The following LIMK2 variants were observed in gnomAD, a reference collection of about 807,000 sequenced individuals.
The protein encoded by LIMK2 is LIM domain kinase 2.
Under a neutral mutation model 75.7 loss-of-function variants are expected in LIMK2, and 35 were observed. That is an observed-to-expected ratio of 0.46 (90% CI 0.35 to 0.61). The LOEUF (loss-of-function observed/expected upper bound fraction) is 0.61, where lower values mean the gene tolerates loss of function less well. Ranked by LOEUF, LIMK2 falls within the 20% of genes least tolerant of loss-of-function variation. The pLI is 0.00. For synonymous variants in LIMK2, 301 were observed against 319.2 expected, an observed-to-expected ratio of 0.94 and a Z score of 0.61; for missense variants, 623 against 831.0, an observed-to-expected ratio of 0.75 and a Z score of 3.08.
At chr22:31,222,751 T>C (rs1017430017) in intron 1 of LIMK2, 2 of 152,150 alleles carry the variant, frequency 1.3e-5, no homozygotes, top group African/African-American at 4.8e-5. Context: ...CTAAATTAGA[T>C]TTTAAAACTT....
chr22:31,267,547 T>TCCCA (rs989483942), intron 9 of LIMK2, among the ~76,000 whole-genome samples: 5 of 152,140 alleles, frequency 3.3e-5, no homozygotes, highest in African/African-American at 1.2e-4. Flanking sequence ...ACTTGGCCAC[T>TCCCA]CCCACCCCAG....
chr22:31,234,307 T>C (rs574497854), intron 2 of LIMK2, among the ~76,000 whole-genome samples: 3 of 143,894 alleles, frequency 2.1e-5, no homozygotes, highest in South Asian at 4.9e-4. Flanking sequence ...CCACTGCACC[T>C]GGCTGGAAGG....
chr22:31,228,954 AAAC>A (rs1444312305), intron 2 of LIMK2, among the ~76,000 whole-genome samples: 1 of 121,936 alleles, frequency 8.2e-6, no homozygotes. Context: ...TCTCAAAACA[AAAC>A]AAATGAAAAA....
At chr22:31,241,356 C>T (rs2048622366) in intron 2 of LIMK2, among the ~76,000 whole-genome samples, 1 of 152,238 alleles carries the variant, frequency 6.6e-6, no homozygotes, top group South Asian at 2.1e-4. Flanking sequence ...TAAACAGCAA[C>T]CTTCTCTGTG....
At position 31,262,844 on chromosome 22, in the gene LIMK2, A is replaced by G. The variant is rs1243529051; in HGVS notation, c.854+53A>G. On this transcript the variant is annotated intron_variant, in intron 7 of 15. Transcript: ENST00000331728. This position sits in a 1 kb window ranked among gnomAD's most constrained non-coding sequence, Gnocchi z 5.0. ...TGTCCTATGTCTGTCTCTCGGATGA[A>G]GCTGAGCTGGCTTTCAGAAGCCTGC... 2.1e-6 allele frequency: 3 copies of G among 1,432,716 alleles called. No homozygotes were observed. Among genetic ancestry groups the G allele is most frequent in the Non-Finnish European group, 2.8e-6 (3 of 1,072,684 alleles). The allele number at this position is 1,432,716 out of a possible 1,614,324, so 88.8% of individuals were successfully genotyped here.
intron 2 of LIMK2, among the ~76,000 whole-genome samples, chr22:31,238,467 A>T (rs953275101): frequency 2.0e-5 from 3 of 152,238 alleles, no homozygotes; most frequent in African/African-American, 7.2e-5. Context: ...TAGTCAATTC[A>T]TAAGTGTACA....
chr22:31,222,372 CTTTTTTTTTTTT>C (rs3068235), intron 1 of LIMK2, among the ~76,000 whole-genome samples: 2 of 55,244 alleles, frequency 3.6e-5, no homozygotes, highest in South Asian at 8.6e-4. Context: ...TGCCCAGCCT[CTTTTTTTTTTTT>C]TTTTTTTTTT....
rs1569000505 is a variant in LIMK2 at position 31,267,773 on chromosome 22, C to T, written c.1129-3C>T. 2 of 1,586,570 alleles carry T rather than the reference C, an allele frequency of 1.3e-6. No homozygotes were observed. The highest frequency in any genetic ancestry group is 2.2e-5 in the East Asian group (1 of 44,554). On this transcript the variant is annotated splice_polypyrimidine_tract_variant and splice_region_variant and intron_variant, in intron 9 of 15. Coordinates refer to ENST00000331728, the MANE Select transcript of LIMK2 (RefSeq NM_005569.4). ...AGCTTTCCTTGGCTTCCCCCACCCC[C>T]AGGTGAAAGTGATGCGCAGCCTGGA... is the stretch of plus-strand genomic sequence containing the variant.
chr22:31,260,221 C>A, intron 5 of LIMK2, 144 bp downstream of exon 5: 1 of 662,228 alleles, frequency 1.5e-6, no homozygotes. Context: ...TATGCTGTAA[C>A]CGTACCTGGG....
chr22:31,277,453 T>C lies in LIMK2; in HGVS notation c.1773-844T>C. On this transcript the variant is annotated intron_variant, in intron 15 of 15. Transcript: ENST00000331728. Reference sequence around the variant, plus strand: ...AAAAAATGATTTCCAGCGGTCCACATTAGAGTTGAAATTTTCTGGTGGGAG... The same window carrying C: ...AAAAAATGATTTCCAGCGGTCCACACTAGAGTTGAAATTTTCTGGTGGGAG... The C allele has an allele frequency of 4.4e-6, 5 of 1,140,392 alleles. No homozygotes were observed. The South Asian group carries it at 1.3e-4, about 30-fold the overall frequency. The allele number at this position is 1,140,392 out of a possible 1,614,324, so 70.6% of individuals were successfully genotyped here.
chr22:31,242,410 A>G (rs569777428), intron 2 of LIMK2, among the ~76,000 whole-genome samples: 2 of 152,206 alleles, frequency 1.3e-5, no homozygotes, highest in Non-Finnish European at 2.9e-5. Flanking sequence ...TTATTTCATG[A>G]ATACATCCCC....
intron 1 of LIMK2, among the ~76,000 whole-genome samples, chr22:31,224,795 A>G (rs1026826548): frequency 1.3e-5 from 2 of 152,216 alleles, no homozygotes; most frequent in African/African-American, 2.4e-5. Context: ...CTTCTTAAGG[A>G]GCAGAGATTA....
intron 13 of LIMK2, chr22:31,273,153 C>T: frequency 2.0e-6 from 1 of 508,848 alleles, no homozygotes; most frequent in Non-Finnish European, 2.5e-6. Context: ...CAGTGAATTG[C>T]CTAGGAGCAT....
At chr22:31,244,184 C>T (rs187653311) in intron 2 of LIMK2, among the ~76,000 whole-genome samples, 3 of 152,328 alleles carry the variant, frequency 2.0e-5, no homozygotes, top group South Asian at 4.1e-4. Flanking sequence ...TCACTGAGCC[C>T]GTCGCCGCTG....
intron 2 of LIMK2, chr22:31,248,875 C>A: frequency 1.6e-6 from 2 of 1,256,268 alleles, no homozygotes; most frequent in South Asian, 1.3e-5. Flanking sequence ...ACCATCGGTT[C>A]TGCCGGGCAG....
chr22:31,235,126 G>C (rs1277690853), intron 2 of LIMK2, among the ~76,000 whole-genome samples: 1 of 152,010 alleles, frequency 6.6e-6, no homozygotes, highest in Non-Finnish European at 1.5e-5. Flanking sequence ...GAACAATTTG[G>C]TCATGGACTG....
At chr22:31,266,226 C>T (rs2048894351) in intron 8 of LIMK2, 94 bp downstream of exon 8, 1 of 1,270,860 alleles carries the variant, frequency 7.9e-7, no homozygotes, top group Non-Finnish European at 1.1e-6. Context: ...CACCCCACAC[C>T]ATGCAGGATG....
At chr22:31,221,571 G>A (rs1415490719) in intron 1 of LIMK2, among the ~76,000 whole-genome samples, 1 of 152,016 alleles carries the variant, frequency 6.6e-6, no homozygotes, top group Non-Finnish European at 1.5e-5. Flanking sequence ...TGCAACCTCC[G>A]CCTACCAGGT....
At chr22:31,274,862 A>G (rs1330894819) in intron 14 of LIMK2, among the ~76,000 whole-genome samples, 2 of 152,210 alleles carry the variant, frequency 1.3e-5, no homozygotes, top group East Asian at 1.9e-4. Flanking sequence ...GGAGACACAG[A>G]CAAGGCAGGG....
Sources: gnomAD v4.1 joint callset for allele counts (sites outside exome capture counted in the v4.1 genomes callset) on GRCh38, gnomAD v4.1.1 for gene constraint, Gnocchi (gnomAD v3.1) non-coding constraint, MANE v1.5 for transcripts, NCBI Gene and HGNC (gene_info 2026-07-23, HGNC 2026-07-21) for gene names.